Variants in MAPK10 observed in about 807,000 individuals in gnomAD.
MAPK10 encodes the protein mitogen-activated protein kinase 10.
MAPK10 carries 25 observed loss-of-function variants against 59.3 expected under a neutral mutation model. That is an observed-to-expected ratio of 0.42 (90% CI 0.31 to 0.59). MAPK10 has a LOEUF of 0.59. MAPK10 is among the 20% of genes least tolerant of loss of function. The pLI is 0.15. For missense variants in MAPK10, 351 were observed against 568.9 expected (o/e 0.62, Z 3.90); for synonymous variants, 190 against 200.5 (o/e 0.95, Z 0.44).
At chr4:86,300,694 G>A (rs1268988547) in intron 2 of MAPK10, 3 of 152,078 alleles carry the variant, frequency 2.0e-5, no homozygotes, top group African/African-American at 7.2e-5. Flanking sequence ...AAAGCAATGG[G>A]ATCATCAAGA....
intron 2 of MAPK10, among the ~76,000 whole-genome samples, chr4:86,341,823 A>AAG (rs1725103323): frequency 1.5e-5 from 1 of 67,138 alleles, no homozygotes; most frequent in Admixed American, 1.6e-4. Flanking sequence ...CAAAAAAGAA[A>AAG]AAAAAAAAAA....
At chr4:86,179,390 T>C (rs1311695157) in intron 3 of MAPK10, among the ~76,000 whole-genome samples, 2 of 152,096 alleles carry the variant, frequency 1.3e-5, no homozygotes, top group Non-Finnish European at 1.5e-5. Context: ...CTCATGCTTA[T>C]GGATCAGAAG....
chr4:86,548,317 C>G (rs952567628), intron 1 of MAPK10, among the ~76,000 whole-genome samples: 2 of 152,136 alleles, frequency 1.3e-5, no homozygotes, highest in Non-Finnish European at 2.9e-5. Context: ...AAACTCCAAA[C>G]ACATCCGAAC....
Position 86,014,324 on chromosome 4 carries a change from GTGTGTGTGTGTGTGTGTGTGT to G in MAPK10, c.*2883_*2903del, listed in dbSNP as rs1742434016. 6.9e-6 allele frequency: 1 copy of G among 144,070 alleles called. No individual in the cohort carries two copies. Among genetic ancestry groups the G allele is most frequent in the African/African-American group, 2.8e-5 (1 of 36,294 alleles). The allele number at this position is 144,070 out of a possible 1,614,324, so 8.9% of individuals were successfully genotyped here. On this transcript the variant is annotated 3_prime_UTR_variant, in exon 14 of 14. Transcript: ENST00000641462. ...TTGGGGTGTGTGTGTGTGTGTGTGT[GTGTGTGTGTGTGTGTGTGTGT>G]TAAGACAGACAAGTGAATGCAGAAC...
chr4:86,231,896 C>G (rs969532768), intron 2 of MAPK10, among the ~76,000 whole-genome samples: 3 of 152,102 alleles, frequency 2.0e-5, no homozygotes, highest in Non-Finnish European at 4.4e-5. Context: ...CCCATGAAGC[C>G]AGGGCTATTC....
At chr4:86,103,122 G>GTGTGGTGTA in intron 6 of MAPK10, 64 bp downstream of exon 6, 1 of 763,618 alleles carries the variant, frequency 1.3e-6, no homozygotes, top group East Asian at 2.9e-5. Context: ...TGTGTGGTGT[G>GTGTGGTGTA]TGATTTTCCC....
intron 1 of MAPK10, among the ~76,000 whole-genome samples, chr4:86,544,973 G>A (rs951486374): frequency 6.6e-6 from 1 of 152,022 alleles, no homozygotes; most frequent in African/African-American, 2.4e-5. Context: ...AAGAGAGGAA[G>A]GGAGGGACGG....
At chr4:86,509,225 C>T (rs1242507281) in intron 1 of MAPK10, among the ~76,000 whole-genome samples, 3 of 151,970 alleles carry the variant, frequency 2.0e-5, no homozygotes, top group African/African-American at 7.3e-5. Flanking sequence ...CAGCCAACAA[C>T]CTAGACACCT....
chr4:86,552,611 A>G (rs904603047), intron 1 of MAPK10, among the ~76,000 whole-genome samples: 1 of 152,156 alleles, frequency 6.6e-6, no homozygotes, highest in Non-Finnish European at 1.5e-5. Flanking sequence ...GTGGGGAGAC[A>G]ATCCTCTGTG....
chr4:86,564,819 A>T (rs879443048), intron 1 of MAPK10, among the ~76,000 whole-genome samples: 1 of 152,128 alleles, frequency 6.6e-6, no homozygotes, highest in Non-Finnish European at 1.5e-5. Context: ...TCAAGTGTAC[A>T]ATCTCAAGCT....
intron 1 of MAPK10, among the ~76,000 whole-genome samples, chr4:86,410,197 T>G (rs1054635487): frequency 5.3e-5 from 8 of 152,224 alleles, no homozygotes; most frequent in Non-Finnish European, 1.0e-4. Context: ...ATGTGATGGA[T>G]GATGTTTAGT....
chr4:86,394,168 C>T (rs1034957714), intron 1 of MAPK10, among the ~76,000 whole-genome samples: 2 of 151,926 alleles, frequency 1.3e-5, no homozygotes, highest in African/African-American at 4.8e-5. Flanking sequence ...ACTTGGGAGG[C>T]TGAGGCAGGA....
chr4:86,493,854 A>T (rs536944823), intron 1 of MAPK10, among the ~76,000 whole-genome samples: 1 of 152,178 alleles, frequency 6.6e-6, no homozygotes, highest in East Asian at 1.9e-4. Flanking sequence ...TTTTTCCAAT[A>T]CCCAAGAGAA....
At chr4:86,233,657 G>A (rs908859103) in intron 2 of MAPK10, among the ~76,000 whole-genome samples, 2 of 152,166 alleles carry the variant, frequency 1.3e-5, no homozygotes, top group African/African-American at 2.4e-5. Flanking sequence ...GCCTCCGAGT[G>A]TGAGCAGAAG....
At chr4:86,339,844 T>C (rs891669288) in intron 2 of MAPK10, among the ~76,000 whole-genome samples, 10 of 152,226 alleles carry the variant, frequency 6.6e-5, no homozygotes, top group Non-Finnish European at 1.3e-4. Context: ...TCATAAGGAT[T>C]ATAAAAAATG....
chr4:86,581,276 A>G (rs941643632), intron 1 of MAPK10, among the ~76,000 whole-genome samples: 1 of 152,112 alleles, frequency 6.6e-6, no homozygotes, highest in Non-Finnish European at 1.5e-5. Context: ...AAAATACAGA[A>G]AAAAATGGAA....
intron 2 of MAPK10, among the ~76,000 whole-genome samples, chr4:86,348,141 A>G (rs547963338): frequency 1.1e-4 from 16 of 152,214 alleles, no homozygotes; most frequent in African/African-American, 3.9e-4. Context: ...ATTCTTATCC[A>G]TATACTTACC....
At chr4:86,431,225 T>C (rs1748006936) in intron 1 of MAPK10, among the ~76,000 whole-genome samples, 1 of 152,140 alleles carries the variant, frequency 6.6e-6, no homozygotes, top group South Asian at 2.1e-4. Flanking sequence ...CAATAATATA[T>C]AAAGAACTTC....
intron 4 of MAPK10, among the ~76,000 whole-genome samples, chr4:86,146,789 T>C (rs2149196801): frequency 6.6e-6 from 1 of 152,350 alleles, no homozygotes; most frequent in African/African-American, 2.4e-5. Context: ...CATTTTCTGT[T>C]GGTCAATTTG....
Sources: gnomAD v4.1 joint callset for allele counts (sites outside exome capture counted in the v4.1 genomes callset) on GRCh38, gnomAD v4.1.1 for gene constraint, MANE v1.5 for transcripts, NCBI Gene and HGNC (gene_info 2026-07-23, HGNC 2026-07-21) for gene names.